ST3GAL4: variants seen among roughly 807,000 people sequenced by gnomAD.
ST3GAL4 encodes the protein CMP-N-acetylneuraminate-beta-galactosamide-alpha-2,3-sialyltransferase 4.
A neutral mutation model predicts 42.6 loss-of-function variants in ST3GAL4; 24 were observed. That is an observed-to-expected ratio of 0.56 (90% CI 0.41 to 0.79). The LOEUF is 0.79. Among genes scored for constraint, ST3GAL4 ranks in the 30% least tolerant of loss-of-function variants. The pLI, the probability that ST3GAL4 is intolerant of heterozygous loss-of-function variation, is 0.00. For synonymous variants in ST3GAL4, 135 were observed against 163.2 expected (o/e 0.83, Z 1.32); for missense variants, 311 against 430.8 (o/e 0.72, Z 2.46).
At chr11:126,389,511 G>T (rs1393021897) in intron 1 of ST3GAL4, among the ~76,000 whole-genome samples, 1 of 152,144 alleles carries the variant, frequency 6.6e-6, no homozygotes, top group African/African-American at 2.4e-5. Context: ...CATAAATAAT[G>T]TTGTTTTTGG....
chr11:126,369,508 A>G (rs1368610513), intron 1 of ST3GAL4, among the ~76,000 whole-genome samples: 1 of 152,080 alleles, frequency 6.6e-6, no homozygotes, highest in Non-Finnish European at 1.5e-5. Context: ...TGGCCTCCCA[A>G]AGTGCTGGGA....
rs933290011 is a variant in ST3GAL4 at position 126,379,362 on chromosome 11, A to G, written c.-61+23520A>G. On this transcript the variant is annotated intron_variant, in intron 1 of 10. Coordinates refer to ENST00000444328, the MANE Select transcript of ST3GAL4 (RefSeq NM_001254757.2). The surrounding 1 kb of genome is among the most constrained non-coding windows in gnomAD (Gnocchi z 4.2). ...AAAACAAAAACAAGTCTGAGTCAATAGAAGGGGGCCACATGGAGTCTTGTT... is the reference window on the plus strand; with the variant it reads ...AAAACAAAAACAAGTCTGAGTCAATGGAAGGGGGCCACATGGAGTCTTGTT... 7.2e-5 allele frequency among the ~76,000 whole-genome samples: 11 copies of G among 152,242 alleles called. No homozygotes were observed. The highest frequency in any genetic ancestry group is 2.7e-4 in the African/African-American group (11 of 41,460).
At chr11:126,402,515 T>C (rs1353819794) in intron 1 of ST3GAL4, among the ~76,000 whole-genome samples, 1 of 151,202 alleles carries the variant, frequency 6.6e-6, no homozygotes, top group Non-Finnish European at 1.5e-5. Context: ...TGGTCGCTTG[T>C]GATCACAGAA....
chr11:126,406,390 T>C lies in ST3GAL4; in HGVS notation c.17-83T>C, dbSNP rs1270920664. The C allele has an allele frequency of 1.1e-5, 17 of 1,606,142 alleles. 1 individual carries two copies. The highest frequency in any genetic ancestry group is 8.5e-7 in the Non-Finnish European group (1 of 1,176,686). On this transcript the variant is annotated intron_variant, in intron 2 of 10. Coordinates refer to ENST00000444328, the MANE Select transcript of ST3GAL4 (RefSeq NM_001254757.2). The surrounding 1 kb of genome is among the most constrained non-coding windows in gnomAD (Gnocchi z 5.4). ...CTGTTGAGTTAGGGGTCGGAGGGAC[T>C]CAGAAGGGGGCAGGTGGGAAGGTGG...
At chr11:126,388,000 C>T (rs905950431) in intron 1 of ST3GAL4, among the ~76,000 whole-genome samples, 2 of 152,214 alleles carry the variant, frequency 1.3e-5, no homozygotes, top group Non-Finnish European at 2.9e-5. Flanking sequence ...GTTTCCTTGT[C>T]TGTGAGCAGA....
rs1953098114 is a variant in ST3GAL4 at position 126,383,628 on chromosome 11, G to A, written c.-60-22468G>A. On this transcript the variant is annotated intron_variant, in intron 1 of 10. Coordinates refer to ENST00000444328, the MANE Select transcript of ST3GAL4 (RefSeq NM_001254757.2). This position sits in a 1 kb window ranked among gnomAD's most constrained non-coding sequence, Gnocchi z 4.5. ...CCAAGCTTGCGGGCGCCTGAGTATG[G>A]ACTAGTGTGTTTGTGCTGGAGGAGC... is the stretch of plus-strand genomic sequence containing the variant. 2.0e-5 allele frequency among the ~76,000 whole-genome samples: 3 copies of A among 152,274 alleles called. No homozygotes were observed. Among genetic ancestry groups the A allele is most frequent in the East Asian group, 3.9e-4 (2 of 5,168 alleles).
rs1289281174 is a variant in ST3GAL4 at position 126,386,130 on chromosome 11, C to T, written c.-60-19966C>T. ...CCATGGCTGCCCTTCATGTAGGCCT[C>T]CGGTTTATAGCCGGCTCCTCAGAGA... On this transcript the variant is annotated intron_variant, in intron 1 of 10. Transcript: ENST00000444328. This position sits in a 1 kb window ranked among gnomAD's most constrained non-coding sequence, Gnocchi z 4.7. 6.6e-6 allele frequency among the ~76,000 whole-genome samples: 1 copy of T among 152,164 alleles called. No homozygotes were observed. Among genetic ancestry groups the T allele is most frequent in the Non-Finnish European group, 1.5e-5 (1 of 68,034 alleles).
chr11:126,368,018 C>T (rs1232297879), intron 1 of ST3GAL4, among the ~76,000 whole-genome samples: 22 of 151,926 alleles, frequency 1.4e-4, no homozygotes, highest in Admixed American at 1.0e-3. Context: ...CATAATGGCG[C>T]GCGCCTGTGA....
At chr11:126,369,631 T>C (rs1168031641) in intron 1 of ST3GAL4, among the ~76,000 whole-genome samples, 13 of 152,230 alleles carry the variant, frequency 8.5e-5, no homozygotes, top group Admixed American at 8.5e-4. Context: ...AAGTGATGGT[T>C]GGTCCAGAAT....
intron 1 of ST3GAL4, among the ~76,000 whole-genome samples, chr11:126,390,674 T>G (rs1026510822): frequency 1.4e-5 from 2 of 146,682 alleles, no homozygotes; most frequent in African/African-American, 5.0e-5. Flanking sequence ...TATGGTAAAA[T>G]GCACAAGCAC....
Position 126,376,113 on chromosome 11 carries a change from A to C in ST3GAL4, c.-61+20271A>C, listed in dbSNP as rs1952826215. Among the ~76,000 whole-genome samples the C allele has an allele frequency of 6.6e-6, 1 of 152,178 alleles. No individual in the cohort carries two copies. The highest frequency in any genetic ancestry group is 2.4e-5 in the African/African-American group (1 of 41,448). On this transcript the variant is annotated intron_variant, in intron 1 of 10. Coordinates refer to ENST00000444328, the MANE Select transcript of ST3GAL4 (RefSeq NM_001254757.2). This position sits in a 1 kb window ranked among gnomAD's most constrained non-coding sequence, Gnocchi z 5.1. Reference sequence around the variant, plus strand: ...CCTCACAGGCAAGATAGGAAAACACAGAATTATATAATACGAAATTACATT... The same window carrying C: ...CCTCACAGGCAAGATAGGAAAACACCGAATTATATAATACGAAATTACATT...
chr11:126,383,505 G>A lies in ST3GAL4; in HGVS notation c.-60-22591G>A, dbSNP rs1320786821. Among the ~76,000 whole-genome samples the A allele has an allele frequency of 2.6e-5, 4 of 152,138 alleles. No individual in the cohort carries two copies. Among genetic ancestry groups the A allele is most frequent in the East Asian group, 1.9e-4 (1 of 5,178 alleles). On this transcript the variant is annotated intron_variant, in intron 1 of 10. Transcript: ENST00000444328. This position sits in a 1 kb window ranked among gnomAD's most constrained non-coding sequence, Gnocchi z 4.5. ...GAAAAGAGTGCCCTGGCTTGGGGGG[G>A]CCCTCAAGCCCCGGAAGCTGTATGT...
chr11:126,385,126 T>G (rs1396023069), intron 1 of ST3GAL4, among the ~76,000 whole-genome samples: 1 of 152,046 alleles, frequency 6.6e-6, no homozygotes, highest in Non-Finnish European at 1.5e-5. Flanking sequence ...TCTGAGAGGT[T>G]AAGTACCTGG....
intron 1 of ST3GAL4, among the ~76,000 whole-genome samples, chr11:126,370,628 A>C (rs1952606748): frequency 6.6e-6 from 1 of 151,286 alleles, no homozygotes; most frequent in Non-Finnish European, 1.5e-5. Context: ...TGAGTGTATT[A>C]ATCTTTCATT....
Position 126,409,134 on chromosome 11 carries a change from T to G in ST3GAL4, c.628-134T>G. The stretch of plus-strand genomic sequence containing the variant: ...TCTGTGGCACAGACTTCACCTCCCT[T>G]TCCTCTCACCTTGTGCTCCTGAAGG... On this transcript the variant is annotated intron_variant, in intron 8 of 10. Coordinates refer to ENST00000444328, the MANE Select transcript of ST3GAL4 (RefSeq NM_001254757.2). The surrounding 1 kb of genome is among the most constrained non-coding windows in gnomAD (Gnocchi z 4.9). 8.8e-7 allele frequency: 1 copy of G among 1,134,156 alleles called. No homozygotes were observed. The allele number at this position is 1,134,156 out of a possible 1,614,324, so 70.3% of individuals were successfully genotyped here. A position where few individuals can be genotyped will look rare whatever the true frequency, so the allele number is the denominator to read the frequency against.
At chr11:126,372,731 C>G (rs906434814) in intron 1 of ST3GAL4, among the ~76,000 whole-genome samples, 1 of 152,134 alleles carries the variant, frequency 6.6e-6, no homozygotes, top group African/African-American at 2.4e-5. Context: ...GGATTTTATA[C>G]AGCAAAACTC....
intron 1 of ST3GAL4, among the ~76,000 whole-genome samples, chr11:126,375,295 C>G (rs1013005870): frequency 1.3e-5 from 2 of 152,182 alleles, no homozygotes; most frequent in Non-Finnish European, 2.9e-5. Flanking sequence ...GACTGTGTCT[C>G]GTGCGGAAGC....
chr11:126,376,192 A>G lies in ST3GAL4; in HGVS notation c.-61+20350A>G, dbSNP rs1440252881. 6.6e-6 allele frequency among the ~76,000 whole-genome samples: 1 copy of G among 152,176 alleles called. No homozygotes were observed. The highest frequency in any genetic ancestry group is 1.5e-5 in the Non-Finnish European group (1 of 68,030). The stretch of plus-strand genomic sequence containing the variant: ...TACTCCGATTGGCTTTTGGTATTAA[A>G]ATGTCTTCAGTTTCAGAGGTCCCAG... On this transcript the variant is annotated intron_variant, in intron 1 of 10. Coordinates refer to ENST00000444328, the MANE Select transcript of ST3GAL4 (RefSeq NM_001254757.2). The surrounding 1 kb of genome is among the most constrained non-coding windows in gnomAD (Gnocchi z 5.1).
Position 126,398,685 on chromosome 11 carries a change from C to T in ST3GAL4, c.-60-7411C>T, listed in dbSNP as rs905083589. Among the ~76,000 whole-genome samples, 1 of 152,238 alleles carries T rather than the reference C, an allele frequency of 6.6e-6. No individual in the cohort carries two copies. Among genetic ancestry groups the T allele is most frequent in the Non-Finnish European group, 1.5e-5 (1 of 68,040 alleles). ...CCCTGCAACCAGTCTCTGCCTGGGTCCCGAGTCTGTCCGCAATATCCTTTG... is the reference window on the plus strand; with the variant it reads ...CCCTGCAACCAGTCTCTGCCTGGGTTCCGAGTCTGTCCGCAATATCCTTTG... On this transcript the variant is annotated intron_variant, in intron 1 of 10. Transcript: ENST00000444328. The surrounding 1 kb of genome is among the most constrained non-coding windows in gnomAD (Gnocchi z 4.7).
Sources: allele counts gnomAD v4.1 joint callset (sites outside exome capture counted in the v4.1 genomes callset), GRCh38; gene constraint gnomAD v4.1.1; non-coding constraint Gnocchi (gnomAD v3.1); transcripts MANE v1.5; gene names NCBI Gene and HGNC (gene_info 2026-07-23, HGNC 2026-07-21).